Variants in CTNND2 observed in about 807,000 individuals in gnomAD.
CTNND2 encodes the protein catenin delta-2.
CTNND2 carries 22 observed loss-of-function variants against 144.4 expected under a neutral mutation model. The observed-to-expected ratio is 0.15, with a 90% CI of 0.11 to 0.22. The LOEUF (loss-of-function observed/expected upper bound fraction) is 0.22. CTNND2 is among the 10% of genes least tolerant of loss of function. The pLI is 1.00. For missense variants in CTNND2, 1,353 were observed against 1,618.8 expected (o/e 0.84, Z 2.82); for synonymous variants, 751 against 695.6 (o/e 1.08, Z -1.25).
At chr5:11,005,385 C>T (rs919220349) in intron 18 of CTNND2, among the ~76,000 whole-genome samples, 1 of 152,030 alleles carries the variant, frequency 6.6e-6, no homozygotes, top group Non-Finnish European at 1.5e-5. Context: ...CAGGTCAGAT[C>T]GGGATTTTTA....
intron 2 of CTNND2, among the ~76,000 whole-genome samples, chr5:11,709,694 A>G (rs1040453881): frequency 3.3e-5 from 5 of 152,214 alleles, no homozygotes; most frequent in Non-Finnish European, 7.3e-5. Flanking sequence ...AACGGTAGAC[A>G]AAGTATTGAG....
chr5:11,416,854 T>C (rs1254136529), intron 3 of CTNND2, among the ~76,000 whole-genome samples: 3 of 152,132 alleles, frequency 2.0e-5, no homozygotes, highest in African/African-American at 4.8e-5. Flanking sequence ...AAGAAATAAA[T>C]GTAAAAAAGA....
intron 12 of CTNND2, among the ~76,000 whole-genome samples, chr5:11,130,817 T>G (rs1176767464): frequency 6.6e-6 from 1 of 152,150 alleles, no homozygotes; most frequent in Non-Finnish European, 1.5e-5. Context: ...CCGCCCTCCC[T>G]GTATTCTACC....
chr5:11,185,045 C>G (rs902207471), intron 11 of CTNND2, among the ~76,000 whole-genome samples: 3 of 152,200 alleles, frequency 2.0e-5, no homozygotes, highest in Non-Finnish European at 4.4e-5. Flanking sequence ...ACTCAGTTCT[C>G]AATCCATTCT....
rs190874015 is a variant in CTNND2, at chr5:11,822,623, A to C, written c.37+81194T>G. Among the ~76,000 whole-genome samples the C allele has an allele frequency of 4.1e-4, 62 of 152,230 alleles. 1 individual carries two copies. The highest frequency in any genetic ancestry group is 1.6e-4 in the Non-Finnish European group (11 of 68,012). ...TAAGTTATAAAATATTGTGACTTCC[A>C]TATTGATAGTAGTCCCTCTCTAGTG... On this transcript the variant is annotated intron_variant, in intron 1 of 21. Coordinates refer to ENST00000304623, the MANE Select transcript of CTNND2 (RefSeq NM_001332.4).
chr5:11,116,911 T>C (rs1253959444), intron 13 of CTNND2, among the ~76,000 whole-genome samples: 4 of 151,742 alleles, frequency 2.6e-5, no homozygotes, highest in Non-Finnish European at 5.9e-5. Flanking sequence ...TACAAAAAAA[T>C]AGCCGGGTGT....
intron 1 of CTNND2, among the ~76,000 whole-genome samples, chr5:11,748,580 T>C (rs1230492129): frequency 1.3e-5 from 2 of 152,108 alleles, no homozygotes; most frequent in Non-Finnish European, 2.9e-5. Flanking sequence ...TTACAATTTG[T>C]ACAAATCATT....
chr5:11,065,132 G>C (rs929442354), intron 16 of CTNND2, among the ~76,000 whole-genome samples: 1 of 152,196 alleles, frequency 6.6e-6, no homozygotes, highest in African/African-American at 2.4e-5. Context: ...AGACAACTGG[G>C]AAGCTAAAAT....
chr5:11,871,410 G>T (rs867277922), intron 1 of CTNND2, among the ~76,000 whole-genome samples: 51 of 152,224 alleles, frequency 3.4e-4, no homozygotes, highest in Middle Eastern at 6.8e-3. Flanking sequence ...AGGATTATTA[G>T]GGGGATTCAG....
At chr5:10,978,925 C>T (rs1736854364) in intron 21 of CTNND2, among the ~76,000 whole-genome samples, 1 of 152,204 alleles carries the variant, frequency 6.6e-6, no homozygotes, top group African/African-American at 2.4e-5. Context: ...TATAGACTGT[C>T]CTCTAAATCT....
At chr5:11,433,773 C>A (rs1391297976) in intron 3 of CTNND2, among the ~76,000 whole-genome samples, 2 of 152,182 alleles carry the variant, frequency 1.3e-5, no homozygotes, top group East Asian at 1.9e-4. Context: ...TCTCACCAGA[C>A]CCCACCTCCT....
chr5:11,155,358 G>A (rs1758125057), intron 12 of CTNND2, among the ~76,000 whole-genome samples: 1 of 152,174 alleles, frequency 6.6e-6, no homozygotes, highest in Non-Finnish European at 1.5e-5. Flanking sequence ...ACAAAACAGA[G>A]AAGACTAACA....
intron 1 of CTNND2, among the ~76,000 whole-genome samples, chr5:11,758,219 T>C (rs981129405): frequency 1.1e-4 from 17 of 151,984 alleles, no homozygotes; most frequent in African/African-American, 4.1e-4. Context: ...ATTTAAAATT[T>C]GTATTTTTAA....
chr5:11,105,504 C>T (rs1561310261), intron 14 of CTNND2, among the ~76,000 whole-genome samples: 1 of 151,888 alleles, frequency 6.6e-6, no homozygotes, highest in African/African-American at 2.4e-5. Flanking sequence ...TATGCTGCCC[C>T]ACATGTGACC....
chr5:11,642,175 A>G (rs188907466), intron 2 of CTNND2, among the ~76,000 whole-genome samples: 16 of 152,264 alleles, frequency 1.1e-4, no homozygotes, highest in Admixed American at 1.0e-3. Flanking sequence ...TTCTATCAAT[A>G]TATATTGACC....
Position 11,346,536 on chromosome 5 carries a change from C to T in CTNND2, c.1464G>A (p.Arg488=). 2 of 1,604,380 alleles carry T rather than the reference C, an allele frequency of 1.2e-6. No individual in the cohort carries two copies. Among genetic ancestry groups the T allele is most frequent in the Non-Finnish European group, 1.7e-6 (2 of 1,175,754 alleles). The part of the protein sequence containing the change: ...PQNAAAATFQ[R]ASYAAGPASN... Reference sequence around the variant, plus strand: ...AGGCTGGGCCGGCGGCATAGCTGGCCCTCTGGAAGGTGGCCGCGGCGGCAT... The same window carrying T: ...AGGCTGGGCCGGCGGCATAGCTGGCTCTCTGGAAGGTGGCCGCGGCGGCAT... Residue 488 remains arginine (R), a synonymous_variant, in exon 9 of 22, where the codon AGG becomes AGA. Coordinates refer to ENST00000304623, the MANE Select transcript of CTNND2 (RefSeq NM_001332.4).
At chr5:11,590,044 T>TA (rs1779129859) in intron 2 of CTNND2, among the ~76,000 whole-genome samples, 1 of 131,492 alleles carries the variant, frequency 7.6e-6, no homozygotes, top group Non-Finnish European at 1.6e-5. Flanking sequence ...TAAGATTTTG[T>TA]AAATTTTTTT....
intron 1 of CTNND2, among the ~76,000 whole-genome samples, chr5:11,845,801 C>T (rs753556575): frequency 6.6e-6 from 1 of 152,144 alleles, no homozygotes; most frequent in African/African-American, 2.4e-5. Context: ...AGTAAGATAT[C>T]AAGGCTAAGA....
chr5:11,098,640 A>C lies in CTNND2; in HGVS notation c.2572T>G (p.Ser858Ala), dbSNP rs1465508768. Residue 858 changes from serine to alanine, a missense_variant, in exon 15 of 22, where the codon TCA becomes GCA. Physicochemically the swap from Ser to Ala is moderately conservative, Grantham distance 99. Coordinates refer to ENST00000304623, the MANE Select transcript of CTNND2 (RefSeq NM_001332.4). The stretch of plus-strand genomic sequence containing the variant: ...GCCCCTTCCAGCGTGTCTGGATTTG[A>C]GCACTCAGAGAGCAGTGTGAGGTAG... The part of the protein sequence containing the change: ...KPYLTLLSEC[S>A]NPDTLEGAAG... The C allele has an allele frequency of 6.2e-7, 1 of 1,614,106 alleles. No homozygotes were observed. Among genetic ancestry groups the C allele is most frequent in the Non-Finnish European group, 8.5e-7 (1 of 1,179,996 alleles).
Sources: gnomAD v4.1 joint callset for allele counts (sites outside exome capture counted in the v4.1 genomes callset) on GRCh38, gnomAD v4.1.1 for gene constraint, MANE v1.5 for transcripts, NCBI Gene and HGNC (gene_info 2026-07-23, HGNC 2026-07-21) for gene names.